SPATA6: variants seen among roughly 807,000 people sequenced by gnomAD.
SPATA6 encodes the protein spermatogenesis associated 6.
SPATA6 carries 56 observed loss-of-function variants against 65.3 expected under a neutral mutation model. That is an observed-to-expected ratio of 0.86 (90% CI 0.69 to 1.07). The LOEUF (loss-of-function observed/expected upper bound fraction) is 1.07. Among genes scored for constraint, SPATA6 ranks in the 50% least tolerant of loss-of-function variants. SPATA6 has a pLI of 0.00. For missense variants in SPATA6, 590 were observed against 594.8 expected, an observed-to-expected ratio of 0.99 and a Z score of 0.08; for synonymous variants, 199 against 213.2, an observed-to-expected ratio of 0.93 and a Z score of 0.58.
intron 11 of SPATA6, among the ~76,000 whole-genome samples, chr1:48,339,142 C>T (rs534954066): frequency 4.0e-5 from 6 of 151,874 alleles, no homozygotes; most frequent in African/African-American, 1.2e-4. Flanking sequence ...CTCAGTCTCT[C>T]GGTACTGAAA....
At chr1:48,286,992 T>G in the SPATA6 span, among the ~76,000 whole-genome samples, 1 of 145,172 alleles carries the variant, frequency 6.9e-6, no homozygotes, top group Non-Finnish European at 1.5e-5. Context: ...TGAGCCGAGA[T>G]CACGCCACTG....
At chr1:48,352,881 A>G (rs1410563809) in intron 11 of SPATA6, among the ~76,000 whole-genome samples, 1 of 144,180 alleles carries the variant, frequency 6.9e-6, no homozygotes, top group African/African-American at 2.6e-5. Flanking sequence ...CCAGAAGACA[A>G]TGGATTAGCT....
At chr1:48,464,953 C>A (rs1201005759) in intron 1 of SPATA6, among the ~76,000 whole-genome samples, 9 of 151,942 alleles carry the variant, frequency 5.9e-5, no homozygotes, top group Admixed American at 5.9e-4. Context: ...GTAAAATAAT[C>A]ATTTTAAAAA....
At position 48,399,954 on chromosome 1, in the gene SPATA6, G is replaced by A. The variant is rs569863294; in HGVS notation, c.487-310C>T. Among the ~76,000 whole-genome samples the A allele has an allele frequency of 1.1e-4, 4 of 36,494 alleles. No individual in the cohort carries two copies. The Admixed American group carries it at 1.8e-3, about 17-fold the overall frequency. 23.9% of individuals were successfully genotyped at this position (36,494 alleles called of 152,430 possible). On this transcript the variant is annotated intron_variant, in intron 6 of 12. Transcript: ENST00000371847. ...ACAAAGTCAAAAAAATTATTTTTCA[G>A]TATACTAAAAAAGTGCAAACATTGG...
At chr1:48,425,794 C>G (rs1403370104) in intron 3 of SPATA6, among the ~76,000 whole-genome samples, 1 of 151,638 alleles carries the variant, frequency 6.6e-6, no homozygotes, top group Non-Finnish European at 1.5e-5. Flanking sequence ...CTACTTTATA[C>G]TATATATAAA....
At chr1:48,312,273 G>C (rs570011479) in intron 11 of SPATA6, among the ~76,000 whole-genome samples, 2 of 152,182 alleles carry the variant, frequency 1.3e-5, no homozygotes, top group Non-Finnish European at 1.5e-5. Flanking sequence ...ACCTCCTCAA[G>C]TGGGTCCCTG....
chr1:48,399,756 A>C (rs1375441167), intron 6 of SPATA6, 112 bp from the exon 7 acceptor site: 13 of 914,492 alleles, frequency 1.4e-5, no homozygotes, highest in Non-Finnish European at 2.1e-5. Flanking sequence ...ATCAAAGCCA[A>C]CTAGATCAGT....
intron 10 of SPATA6, among the ~76,000 whole-genome samples, chr1:48,357,796 A>G (rs1170966036): frequency 6.6e-6 from 1 of 152,182 alleles, no homozygotes; most frequent in Non-Finnish European, 1.5e-5. Flanking sequence ...CTTTAGAGAC[A>G]AGATATTTAG....
Position 48,319,397 on chromosome 1 carries a change from C to T in SPATA6, c.1195-13519G>A, listed in dbSNP as rs139689370. Among the ~76,000 whole-genome samples, 789 of 152,252 alleles carry T rather than the reference C, an allele frequency of 5.2e-3. 19 individuals carry two copies. Among genetic ancestry groups the T allele is most frequent in the South Asian group, 0.05 (242 of 4,824 alleles). On this transcript the variant is annotated intron_variant, in intron 11 of 12. Transcript: ENST00000371847. ...ACTTGTACTCAGAATATATAAAGAG[C>T]TCTCAAAATCCAGTAATAAGGCAGA...
chr1:48,431,024 C>T (rs188320198), intron 3 of SPATA6, among the ~76,000 whole-genome samples: 73 of 152,044 alleles, frequency 4.8e-4, no homozygotes, highest in African/African-American at 1.0e-3. Flanking sequence ...GTCTACAAGG[C>T]GCTCATTTTA....
At chr1:48,408,830 G>A (rs987445128) in intron 5 of SPATA6, among the ~76,000 whole-genome samples, 1 of 152,130 alleles carries the variant, frequency 6.6e-6, no homozygotes, top group African/African-American at 2.4e-5. Flanking sequence ...TCACTATCAT[G>A]AGAACAGCGT....
rs1013807582 is a variant in SPATA6 at position 48,297,331 on chromosome 1, A to C, written c.*1382T>G. ...TGAGGAAACAAAGGATCTGAGAATT[A>C]AATAGACTCAGCTAGAAAACGGCAG... is the stretch of plus-strand genomic sequence containing the variant. On this transcript the variant is annotated 3_prime_UTR_variant, in exon 13 of 13. Transcript: ENST00000371847. 2.1e-4 allele frequency: 32 copies of C among 152,122 alleles called. No homozygotes were observed. The highest frequency in any genetic ancestry group is 7.0e-4 in the African/African-American group (29 of 41,432). 9.4% of individuals were successfully genotyped at this position (152,122 alleles called of 1,614,324 possible). A position where few individuals can be genotyped will look rare whatever the true frequency, so the allele number is the denominator to read the frequency against.
At chr1:48,390,879 A>G (rs1649987269) in intron 8 of SPATA6, among the ~76,000 whole-genome samples, 1 of 152,174 alleles carries the variant, frequency 6.6e-6, no homozygotes, top group Non-Finnish European at 1.5e-5. Context: ...TTTTCTAGGT[A>G]CCCTGAACCA....
chr1:48,471,930 G>C, intron 1 of SPATA6, 28 bp downstream of exon 1: 1 of 1,608,878 alleles, frequency 6.2e-7, no homozygotes, highest in Non-Finnish European at 8.5e-7. Context: ...GCCAATGCCC[G>C]GGGGTGGGAG....
intron 1 of SPATA6, among the ~76,000 whole-genome samples, chr1:48,460,400 G>A (rs1657337984): frequency 6.6e-6 from 1 of 152,066 alleles, no homozygotes; most frequent in African/African-American, 2.4e-5. Context: ...AAACTCAGAA[G>A]GAAATTTCCT....
At chr1:48,371,806 A>G (rs1246064856) in intron 9 of SPATA6, among the ~76,000 whole-genome samples, 1 of 152,182 alleles carries the variant, frequency 6.6e-6, no homozygotes, top group African/African-American at 2.4e-5. Flanking sequence ...AGGTTTCGCA[A>G]TCATGGCTGA....
intron 5 of SPATA6, among the ~76,000 whole-genome samples, chr1:48,408,113 T>G (rs900388040): frequency 6.6e-6 from 1 of 152,230 alleles, no homozygotes; most frequent in Admixed American, 6.5e-5. Context: ...TATACTTTCA[T>G]AAAGATGAAG....
chr1:48,261,616 C>T, the SPATA6 span, among the ~76,000 whole-genome samples: 1 of 152,004 alleles, frequency 6.6e-6, no homozygotes, highest in Non-Finnish European at 1.5e-5. Context: ...AAACCACTCG[C>T]GTGAGTCAGA....
At chr1:48,278,598 T>C in the SPATA6 span, among the ~76,000 whole-genome samples, 2 of 151,878 alleles carry the variant, frequency 1.3e-5, no homozygotes, top group African/African-American at 4.8e-5. Flanking sequence ...GAAGACGAAA[T>C]GAATGAAATG....
Sources: gnomAD v4.1 joint callset for allele counts (sites outside exome capture counted in the v4.1 genomes callset) on GRCh38, gnomAD v4.1.1 for gene constraint, MANE v1.5 for transcripts, NCBI Gene and HGNC (gene_info 2026-07-23, HGNC 2026-07-21) for gene names.